EIF3A: variants seen among roughly 807,000 people sequenced by gnomAD.
The protein encoded by EIF3A is eukaryotic translation initiation factor 3 subunit A.
In EIF3A, 21 loss-of-function variants were observed where a neutral mutation model predicts 186.6. The observed-to-expected ratio is 0.11, with a 90% CI of 0.08 to 0.16. The LOEUF is 0.16. Ranked by LOEUF, EIF3A falls within the 10% of genes least tolerant of loss-of-function variation. The pLI, the probability that EIF3A is intolerant of heterozygous loss-of-function variation, is 1.00. For synonymous variants in EIF3A, 563 were observed against 584.3 expected, an observed-to-expected ratio of 0.96 and a Z score of 0.52; for missense variants, 1,306 against 1,796.3, an observed-to-expected ratio of 0.73 and a Z score of 4.93.
rs1029413774 is a variant in EIF3A at position 119,067,159 on chromosome 10, C to T, written c.951-1589G>A. Among the ~76,000 whole-genome samples the T allele has an allele frequency of 2.2e-4, 33 of 151,292 alleles. 1 individual carries two copies. The highest frequency in any genetic ancestry group is 9.9e-4 in the Admixed American group (15 of 15,170). On this transcript the variant is annotated intron_variant, in intron 6 of 21. Transcript: ENST00000369144. Reference sequence around the variant, plus strand: ...CGAACCCGGGAGGCAGAGGTTGCAGCGAGCCAAGACTGCGCCATTGCACTC... The same window carrying T: ...CGAACCCGGGAGGCAGAGGTTGCAGTGAGCCAAGACTGCGCCATTGCACTC...
intron 10 of EIF3A, 26 bp downstream of exon 10, chr10:119,059,576 C>A (rs200744332): frequency 1.2e-5 from 18 of 1,561,222 alleles, no homozygotes; most frequent in Non-Finnish European, 8.8e-7. Context: ...AGGGCCTTCT[C>A]CTGTCTCCTT....
At chr10:119,067,151 G>A (rs1389946594) in intron 6 of EIF3A, among the ~76,000 whole-genome samples, 1 of 152,092 alleles carries the variant, frequency 6.6e-6, no homozygotes, top group Non-Finnish European at 1.5e-5. Context: ...GGGAGGCAGA[G>A]GTTGCAGCGA....
At chr10:119,036,668 G>C (rs1213988899) in intron 21 of EIF3A, among the ~76,000 whole-genome samples, 3 of 152,068 alleles carry the variant, frequency 2.0e-5, no homozygotes, top group Non-Finnish European at 4.4e-5. Context: ...ATGGCTATGA[G>C]AGAAAAATTC....
At chr10:119,048,377 G>A (rs1237347077) in intron 17 of EIF3A, among the ~76,000 whole-genome samples, 1 of 152,130 alleles carries the variant, frequency 6.6e-6, no homozygotes, top group East Asian at 1.9e-4. Context: ...TCAAAGCTGT[G>A]ACAAAGCAGA....
chr10:119,051,365 T>C (rs1564752302), intron 14 of EIF3A, 44 bp from the exon 15 acceptor site: 2 of 1,522,388 alleles, frequency 1.3e-6, no homozygotes, highest in Admixed American at 4.4e-5. Context: ...CTTTTTTTTT[T>C]ACTCATTAAC....
In EIF3A at chr10:119,034,359, C is replaced by G. The variant is rs1448031830; in HGVS notation, c.*1680G>C. On this transcript the variant is annotated 3_prime_UTR_variant, in exon 22 of 22. Coordinates refer to ENST00000369144, the MANE Select transcript of EIF3A (RefSeq NM_003750.4). Reference sequence around the variant, plus strand: ...CGTAGGCAGCAGTAACTCGTCTGAACAAATCTGATTAAATAAATTCTTGGG... The same window carrying G: ...CGTAGGCAGCAGTAACTCGTCTGAAGAAATCTGATTAAATAAATTCTTGGG... The G allele has an allele frequency of 6.8e-5, 11 of 162,514 alleles. No homozygotes were observed. The highest frequency in any genetic ancestry group is 2.7e-4 in the African/African-American group (11 of 41,450). The allele number at this position is 162,514 out of a possible 1,614,324, so 10.1% of individuals were successfully genotyped here. A position where few individuals can be genotyped will look rare whatever the true frequency, so the allele number is the denominator to read the frequency against.
chr10:119,077,839 C>G (rs1247221473), intron 1 of EIF3A, among the ~76,000 whole-genome samples: 1 of 152,148 alleles, frequency 6.6e-6, no homozygotes, highest in African/African-American at 2.4e-5. Context: ...AGGCATGAGC[C>G]ACCACGCCCG....
chr10:119,052,371 TG>T (rs1848369217), intron 14 of EIF3A, among the ~76,000 whole-genome samples: 1 of 133,856 alleles, frequency 7.5e-6, no homozygotes, highest in African/African-American at 3.5e-5. Context: ...TTTGGTTTTG[TG>T]TGTGTGTGTG....
chr10:119,037,341 T>C (rs776279314), intron 20 of EIF3A, 32 bp from the exon 21 acceptor site: 2 of 1,594,458 alleles, frequency 1.3e-6, no homozygotes, highest in Non-Finnish European at 1.7e-6. Context: ...GGTCAGGTTC[T>C]TACTGTTAGA....
rs1843919778 is a variant in EIF3A, at chr10:119,063,294, G to GCTGCT, written c.1123-1971_1123-1967dup. Reference sequence around the variant, plus strand: ...TGGAGGAATACAAAGTAGAAAAAAAGCTGCTCTGCAGGAACTCTTTGCAAA... The same window carrying GCTGCT: ...TGGAGGAATACAAAGTAGAAAAAAAGCTGCTCTGCTCTGCAGGAACTCTTTGCAAA... On this transcript the variant is annotated intron_variant, in intron 7 of 21. Transcript: ENST00000369144. Among the ~76,000 whole-genome samples the GCTGCT allele has an allele frequency of 2.0e-5, 3 of 152,288 alleles. No individual in the cohort carries two copies. In the South Asian group the frequency reaches 6.2e-4, roughly 32 times the overall value.
intron 1 of EIF3A, chr10:119,080,375 C>A: frequency 1.0e-6 from 1 of 985,434 alleles, no homozygotes; most frequent in African/African-American, 1.7e-5. Flanking sequence ...GTCCCCGCGA[C>A]GCACCCGGAG....
intron 1 of EIF3A, 48 bp from the exon 2 acceptor site, chr10:119,073,985 G>C (rs756904357): frequency 7.0e-7 from 1 of 1,425,516 alleles, no homozygotes; most frequent in East Asian, 2.4e-5. Flanking sequence ...CTATACAAGA[G>C]TCTAAACTTT....
intron 7 of EIF3A, among the ~76,000 whole-genome samples, chr10:119,063,034 G>A (rs1037629850): frequency 2.2e-4 from 33 of 151,992 alleles, no homozygotes; most frequent in African/African-American, 6.3e-4. Context: ...AGGATTAGAC[G>A]TGAGCCACCG....
chr10:119,048,290 T>C (rs1848308207), intron 17 of EIF3A, among the ~76,000 whole-genome samples: 1 of 152,004 alleles, frequency 6.6e-6, no homozygotes, highest in South Asian at 2.1e-4. Flanking sequence ...GACGAGTAAG[T>C]AGACCAACAA....
chr10:119,074,118 C>T (rs1040588318), intron 1 of EIF3A, among the ~76,000 whole-genome samples, 181 bp from the exon 2 acceptor site: 1 of 147,090 alleles, frequency 6.8e-6, no homozygotes, highest in Non-Finnish European at 1.5e-5. Context: ...AAGACCTGTA[C>T]TGTGTTGAAA....
In EIF3A at chr10:119,041,984, A is replaced by G. The variant is rs902070170; in HGVS notation, c.3526+10T>C. On this transcript the variant is annotated intron_variant, in intron 19 of 21. Transcript: ENST00000369144. ...AACACTTAAGCATATTCTAGGAAAT[A>G]GAATTTTACCTGGCTTGACTAATGG... The G allele has an allele frequency of 1.9e-6, 3 of 1,612,564 alleles. No homozygotes were observed. The highest frequency in any genetic ancestry group is 2.5e-6 in the Non-Finnish European group (3 of 1,178,878).
At chr10:119,059,908 C>T (rs1190209991) in intron 9 of EIF3A, 190 bp from the exon 10 acceptor site, 1 of 631,184 alleles carries the variant, frequency 1.6e-6, no homozygotes, top group Non-Finnish European at 2.8e-6. Flanking sequence ...CATTATCATA[C>T]TATTCCTCAA....
chr10:119,035,462 T>C lies in EIF3A; in HGVS notation c.*577A>G, dbSNP rs1848115091. ...CAAATTGCTTTGTACTCACCTTCTC[T>C]CAAGTAAAATCTAAAGAAAACCCCA... On this transcript the variant is annotated 3_prime_UTR_variant, in exon 22 of 22. Coordinates refer to ENST00000369144, the MANE Select transcript of EIF3A (RefSeq NM_003750.4). 1 of 149,344 alleles carries C rather than the reference T, an allele frequency of 6.7e-6. No homozygotes were observed. Among genetic ancestry groups the C allele is most frequent in the Non-Finnish European group, 1.5e-5 (1 of 67,006 alleles). 9.3% of individuals were successfully genotyped at this position (149,344 alleles called of 1,614,324 possible).
chr10:119,064,550 G>GT (rs1843941469), intron 7 of EIF3A, among the ~76,000 whole-genome samples: 1 of 152,086 alleles, frequency 6.6e-6, no homozygotes, highest in Non-Finnish European at 1.5e-5. Context: ...TGCTCCAGCC[G>GT]TATAAGCCAT....
Sources: gnomAD v4.1 joint callset for allele counts (sites outside exome capture counted in the v4.1 genomes callset) on GRCh38, gnomAD v4.1.1 for gene constraint, MANE v1.5 for transcripts, NCBI Gene and HGNC (gene_info 2026-07-23, HGNC 2026-07-21) for gene names.